Variants in TIMM23 observed in about 807,000 individuals in gnomAD.
The protein encoded by TIMM23 is mitochondrial import inner membrane translocase subunit Tim23.
Under a neutral mutation model 30.7 loss-of-function variants are expected in TIMM23, and 19 were observed. That is an observed-to-expected ratio of 0.62 (90% CI 0.43 to 0.91). The LOEUF (loss-of-function observed/expected upper bound fraction) is 0.91, where lower values mean the gene tolerates loss of function less well. Ranked by LOEUF, TIMM23 falls within the 40% of genes least tolerant of loss-of-function variation. TIMM23 has a pLI of 0.00. For missense variants in TIMM23, 202 were observed against 269.2 expected (o/e 0.75, Z 1.75); for synonymous variants, 78 against 98.5 (o/e 0.79, Z 1.23).
At chr10:45,992,942 T>C (rs1162613683) in intron 6 of TIMM23, among the ~76,000 whole-genome samples, 1 of 152,108 alleles carries the variant, frequency 6.6e-6, no homozygotes, top group Non-Finnish European at 1.5e-5. Context: ...CCTATTCCCA[T>C]TGTCTTTTAA....
At chr10:45,979,196 T>C (rs1424328882) in intron 2 of TIMM23, among the ~76,000 whole-genome samples, 18 of 152,376 alleles carry the variant, frequency 1.2e-4, no homozygotes, top group African/African-American at 4.1e-4. Flanking sequence ...TTAAAATTTA[T>C]TGTAGTCTTG....
intron 2 of TIMM23, among the ~76,000 whole-genome samples, chr10:45,982,234 T>C (rs1257049792): frequency 6.6e-6 from 1 of 152,240 alleles, no homozygotes; most frequent in Non-Finnish European, 1.5e-5. Flanking sequence ...AGTGTTCCTT[T>C]CTCTAGAGCT....
intron 6 of TIMM23, among the ~76,000 whole-genome samples, chr10:45,997,634 AGACCTC>A (rs1365761411): frequency 4.6e-5 from 7 of 152,116 alleles, no homozygotes; most frequent in African/African-American, 1.7e-4. Context: ...TAATATAGGG[AGACCTC>A]ATCTCTACAA....
At chr10:45,998,391 G>A (rs1005183697) in intron 6 of TIMM23, 1 of 985,260 alleles carries the variant, frequency 1.0e-6, no homozygotes, top group Middle Eastern at 5.2e-4. Context: ...CCAAAATACA[G>A]GAGGTAAAAC....
intron 1 of TIMM23, among the ~76,000 whole-genome samples, chr10:45,974,542 T>G (rs2132238552): frequency 6.6e-6 from 1 of 152,264 alleles, no homozygotes; most frequent in East Asian, 1.9e-4. Flanking sequence ...ATCAGAGAGG[T>G]AGGGAATGAC....
At chr10:46,000,950 C>T (rs1838513142) in intron 6 of TIMM23, among the ~76,000 whole-genome samples, 2 of 152,180 alleles carry the variant, frequency 1.3e-5, no homozygotes, top group South Asian at 2.1e-4. Flanking sequence ...ATTTTGGCTA[C>T]CTGCTTGGAA....
At position 45,972,571 on chromosome 10, in the gene TIMM23, C is replaced by T. The variant is rs1837521706; in HGVS notation, c.-54C>T. 3 of 1,581,722 alleles carry T rather than the reference C, an allele frequency of 1.9e-6. No individual in the cohort carries two copies. On this transcript the variant is annotated 5_prime_UTR_variant, in exon 1 of 7. Coordinates refer to ENST00000580018, the MANE Select transcript of TIMM23 (RefSeq NM_006327.4). ...CTGTTATTGAGGAGTAACGGCCCAG[C>T]GGACCACCCAGGCTTGAGGCAGCGG...
At chr10:45,984,743 C>T in intron 4 of TIMM23, 1 of 376,212 alleles carries the variant, frequency 2.7e-6, no homozygotes, top group Non-Finnish European at 5.3e-6. Context: ...CAAGGCAGAA[C>T]TGTGCTTCCT....
At chr10:45,975,144 A>G (rs1283083083) in intron 1 of TIMM23, among the ~76,000 whole-genome samples, 2 of 152,230 alleles carry the variant, frequency 1.3e-5, no homozygotes, top group African/African-American at 2.4e-5. Flanking sequence ...GAGTAAAGTG[A>G]AAGAAATTAG....
chr10:45,988,690 AC>A, intron 5 of TIMM23, 46 bp from the exon 6 acceptor site: 1 of 1,527,100 alleles, frequency 6.5e-7, no homozygotes, highest in Non-Finnish European at 9.1e-7. Flanking sequence ...TCATAATATC[AC>A]ACTTTATCAC....
At chr10:45,973,831 A>C (rs1356954361) in intron 1 of TIMM23, among the ~76,000 whole-genome samples, 1 of 145,432 alleles carries the variant, frequency 6.9e-6, no homozygotes, top group African/African-American at 2.6e-5. Flanking sequence ...TTTTTGACTT[A>C]TTGTGGAGAT....
At chr10:45,982,398 T>C (rs1837875985) in intron 2 of TIMM23, 125 bp from the exon 3 acceptor site, 3 of 872,398 alleles carry the variant, frequency 3.4e-6, no homozygotes, top group East Asian at 5.2e-5. Context: ...TTTGTTTAAG[T>C]ATAGGTTTGA....
intron 6 of TIMM23, 64 bp downstream of exon 6, chr10:45,988,911 G>A (rs1244393035): frequency 1.5e-5 from 22 of 1,483,156 alleles, no homozygotes; most frequent in Non-Finnish European, 1.8e-5. Flanking sequence ...TAAAATTCAT[G>A]GTTTTCAAGG....
intron 5 of TIMM23, among the ~76,000 whole-genome samples, chr10:45,986,464 C>T (rs1267396150): frequency 1.2e-4 from 18 of 148,940 alleles, no homozygotes; most frequent in Non-Finnish European, 2.5e-4. Context: ...GGCTGGTCAC[C>T]CTCTGTGTAC....
chr10:45,979,650 A>C (rs1451122060), intron 2 of TIMM23, among the ~76,000 whole-genome samples: 17 of 123,626 alleles, frequency 1.4e-4, no homozygotes, highest in African/African-American at 4.6e-4. Context: ...TATGGTTGGA[A>C]CCTTTTATTT....
In TIMM23 at chr10:45,991,087, T is replaced by C. The variant is rs1209651409; in HGVS notation, c.514+2240T>C. Reference sequence around the variant, plus strand: ...TCACCAAACCAAATTACCTCCAGGATAGAGAAATCAGGAAAATTTCTAGAA... The same window carrying C: ...TCACCAAACCAAATTACCTCCAGGACAGAGAAATCAGGAAAATTTCTAGAA... On this transcript the variant is annotated intron_variant, in intron 6 of 6. Transcript: ENST00000580018. Among the ~76,000 whole-genome samples the C allele has an allele frequency of 1.1e-3, 173 of 151,928 alleles. 1 individual carries two copies. Among genetic ancestry groups the C allele is most frequent in the African/African-American group, 3.6e-3 (149 of 41,532 alleles).
chr10:45,988,934 G>A lies in TIMM23; in HGVS notation c.514+87G>A, dbSNP rs1482687024. The A allele has an allele frequency of 2.8e-6, 3 of 1,053,128 alleles. No individual in the cohort carries two copies. The Admixed American group carries it at 5.4e-5, about 19-fold the overall frequency. The allele number at this position is 1,053,128 out of a possible 1,614,324, so 65.2% of individuals were successfully genotyped here. On this transcript the variant is annotated intron_variant, in intron 6 of 6. Transcript: ENST00000580018. ...ATGGTTTTCAAGGAAATTACACTCT[G>A]TTGCAGTATAATCTAGTGTTCTAAC...
chr10:45,993,252 T>TTTTTTTTTTTTTC (rs1838224333), intron 6 of TIMM23, among the ~76,000 whole-genome samples: 1 of 137,922 alleles, frequency 7.3e-6, no homozygotes, highest in Non-Finnish European at 1.6e-5. Flanking sequence ...CACTTTTTTT[T>TTTTTTTTTTTTTC]TTTTTTTTTG....
At chr10:45,978,525 C>T (rs1237279923) in intron 2 of TIMM23, among the ~76,000 whole-genome samples, 9 of 152,004 alleles carry the variant, frequency 5.9e-5, no homozygotes, top group African/African-American at 2.2e-4. Context: ...TGAAGATATA[C>T]AGATGTCTAA....
Sources: gnomAD v4.1 joint callset for allele counts (sites outside exome capture counted in the v4.1 genomes callset) on GRCh38, gnomAD v4.1.1 for gene constraint, MANE v1.5 for transcripts, NCBI Gene and HGNC (gene_info 2026-07-23, HGNC 2026-07-21) for gene names.